Variants in MYO1D observed in about 807,000 individuals in gnomAD.
The protein encoded by MYO1D is unconventional myosin-Id.
In MYO1D, 83 loss-of-function variants were observed where a neutral mutation model predicts 122.0. That is an observed-to-expected ratio of 0.68 (90% CI 0.57 to 0.82). The LOEUF is 0.82. MYO1D is among the 40% of genes least tolerant of loss of function. The probability of loss-of-function intolerance (pLI) is 0.00; values close to 1 mark genes in which losing one functional copy is unlikely to be tolerated. For missense variants in MYO1D, 1,157 were observed against 1,269.5 expected, an observed-to-expected ratio of 0.91 and a Z score of 1.35; for synonymous variants, 464 against 446.9, an observed-to-expected ratio of 1.04 and a Z score of -0.48.
rs149620551 is a variant in MYO1D, at chr17:32,595,688, C to A, written c.2864+9399G>T. The stretch of plus-strand genomic sequence containing the variant: ...GTATTCAACAGTTATTTACAGGGAA[C>A]CTTCTGTGTGCCAGCACTGTTTTGG... On this transcript the variant is annotated intron_variant, in intron 21 of 21. Transcript: ENST00000318217. Among the ~76,000 whole-genome samples the A allele has an allele frequency of 2.2e-4, 34 of 152,288 alleles. 1 individual carries two copies. The East Asian group carries it at 5.0e-3, about 22-fold the overall frequency.
chr17:32,764,772 A>G (rs2090037845), intron 8 of MYO1D, 106 bp downstream of exon 8: 2 of 1,216,016 alleles, frequency 1.6e-6, no homozygotes, highest in Non-Finnish European at 2.4e-6. Flanking sequence ...TGGTTTCTAA[A>G]AGCCTTAACC....
In MYO1D at chr17:32,643,815, T is replaced by C. The variant is rs2088243134; in HGVS notation, c.2596-4980A>G. Among the ~76,000 whole-genome samples, 2 of 152,220 alleles carry C rather than the reference T, an allele frequency of 1.3e-5. 1 individual carries two copies. Among genetic ancestry groups the C allele is most frequent in the South Asian group, 4.1e-4 (2 of 4,834 alleles). ...GTCTATTTGATTCTTCTCTCTTTTC[T>C]TCTTTATGAGTCTTGCTAGTGGTCT... On this transcript the variant is annotated intron_variant, in intron 19 of 21. Coordinates refer to ENST00000318217, the MANE Select transcript of MYO1D (RefSeq NM_015194.3).
chr17:32,685,338 T>C (rs1001270891), intron 16 of MYO1D, among the ~76,000 whole-genome samples: 4 of 152,214 alleles, frequency 2.6e-5, no homozygotes, highest in African/African-American at 4.8e-5. Context: ...CCCAAGCTCA[T>C]AGGCCAAAGA....
In MYO1D at chr17:32,809,225, C is replaced by T. The variant is rs914570119; in HGVS notation, c.96-28441G>A. ...CCCCAAATTCCTGAGCTCAAGCAATCATCCCACCTCAGCCTCCTGAGCTGC... is the reference window on the plus strand; with the variant it reads ...CCCCAAATTCCTGAGCTCAAGCAATTATCCCACCTCAGCCTCCTGAGCTGC... On this transcript the variant is annotated intron_variant, in intron 1 of 21. Transcript: ENST00000318217. Among the ~76,000 whole-genome samples, 9 of 151,060 alleles carry T rather than the reference C, an allele frequency of 6.0e-5. 2 individuals carry two copies. The East Asian group carries it at 1.8e-3, about 30-fold the overall frequency.
intron 21 of MYO1D, chr17:32,495,632 CCTTCCTCCAGCT>C (rs1409549349): frequency 2.6e-5 from 4 of 152,114 alleles, no homozygotes; most frequent in Admixed American, 1.3e-4. Context: ...GAGCCCGAGC[CCTTCCTCCAGCT>C]CCTCACACGA....
At chr17:32,678,168 G>A (rs1367751441) in intron 16 of MYO1D, among the ~76,000 whole-genome samples, 3 of 151,940 alleles carry the variant, frequency 2.0e-5, no homozygotes, top group Non-Finnish European at 4.4e-5. Context: ...CTTTTCCTAG[G>A]GTTAAATCCT....
chr17:32,503,835 C>T (rs1909405809), intron 21 of MYO1D, among the ~76,000 whole-genome samples: 1 of 152,164 alleles, frequency 6.6e-6, no homozygotes, highest in Admixed American at 6.5e-5. Context: ...TGTTTCAGTT[C>T]CTTCAAGAAG....
intron 16 of MYO1D, among the ~76,000 whole-genome samples, chr17:32,664,254 T>C (rs1336742161): frequency 6.6e-6 from 1 of 152,050 alleles, no homozygotes; most frequent in African/African-American, 2.4e-5. Flanking sequence ...GGCAGGAGGG[T>C]TGTTGGTTGG....
chr17:32,589,011 A>G (rs2087415421), intron 21 of MYO1D, among the ~76,000 whole-genome samples: 1 of 151,072 alleles, frequency 6.6e-6, no homozygotes, highest in Non-Finnish European at 1.5e-5. Flanking sequence ...AACTTGTGGC[A>G]CCCCACTGCC....
At chr17:32,864,405 C>T (rs965333951) in intron 1 of MYO1D, among the ~76,000 whole-genome samples, 3 of 152,008 alleles carry the variant, frequency 2.0e-5, no homozygotes, top group Non-Finnish European at 4.4e-5. Context: ...CATCACAATG[C>T]TGTGAAAAGT....
rs536533160 is a variant in MYO1D, at chr17:32,619,232, T to C, written c.2710-13991A>G. ...TTCCTATACTTTCAGTTTTCATATA[T>C]TGCAGTCATCAATATGCCTGCCTGT... is the stretch of plus-strand genomic sequence containing the variant. On this transcript the variant is annotated intron_variant, in intron 20 of 21. Transcript: ENST00000318217. 1.7e-4 allele frequency among the ~76,000 whole-genome samples: 26 copies of C among 152,348 alleles called. No homozygotes were observed. In the East Asian group the frequency reaches 3.9e-3, roughly 23 times the overall value.
intron 1 of MYO1D, among the ~76,000 whole-genome samples, chr17:32,818,657 G>A (rs1473439448): frequency 6.6e-6 from 1 of 152,232 alleles, no homozygotes; most frequent in Non-Finnish European, 1.5e-5. Context: ...AGAAAACCCT[G>A]AGATCAAATC....
chr17:32,869,655 C>T (rs2091161463), intron 1 of MYO1D, among the ~76,000 whole-genome samples: 1 of 152,174 alleles, frequency 6.6e-6, no homozygotes, highest in African/African-American at 2.4e-5. Flanking sequence ...CCACATAGAG[C>T]TAATATGGAG....
intron 21 of MYO1D, among the ~76,000 whole-genome samples, chr17:32,542,044 C>A (rs1490510007): frequency 6.6e-6 from 1 of 152,170 alleles, no homozygotes; most frequent in Non-Finnish European, 1.5e-5. Flanking sequence ...CCTTCCCTCT[C>A]CACCAGGTTT....
chr17:32,682,467 C>A (rs1294042458), intron 16 of MYO1D, among the ~76,000 whole-genome samples: 1 of 150,004 alleles, frequency 6.7e-6, no homozygotes, highest in Non-Finnish European at 1.5e-5. Flanking sequence ...AATCTCTCAG[C>A]ATTTGCTTGT....
chr17:32,755,081 C>T (rs753483696), intron 11 of MYO1D, among the ~76,000 whole-genome samples: 2 of 152,220 alleles, frequency 1.3e-5, no homozygotes. Flanking sequence ...GTGCACAACA[C>T]ATTTTGTTAC....
chr17:32,733,009 G>A (rs1308191590), intron 14 of MYO1D, among the ~76,000 whole-genome samples: 2 of 152,188 alleles, frequency 1.3e-5, no homozygotes, highest in Admixed American at 6.5e-5. Context: ...TGTCTGTGCC[G>A]GCACCTGGAG....
intron 8 of MYO1D, among the ~76,000 whole-genome samples, chr17:32,763,619 A>G (rs1003083976): frequency 4.6e-5 from 7 of 152,236 alleles, no homozygotes; most frequent in African/African-American, 1.4e-4. Flanking sequence ...CAGTAAATTT[A>G]AAGTTTAAAA....
At chr17:32,679,107 T>G in intron 16 of MYO1D, among the ~76,000 whole-genome samples, 1 of 152,088 alleles carries the variant, frequency 6.6e-6, no homozygotes, top group Non-Finnish European at 1.5e-5. Flanking sequence ...GATGGGGTTG[T>G]TTGTGTTTTT....
Sources: gnomAD v4.1 joint callset for allele counts (sites outside exome capture counted in the v4.1 genomes callset) on GRCh38, gnomAD v4.1.1 for gene constraint, MANE v1.5 for transcripts, NCBI Gene and HGNC (gene_info 2026-07-23, HGNC 2026-07-21) for gene names.